TPR: variants seen among roughly 807,000 people sequenced by gnomAD.
The protein encoded by TPR is translocated promoter region, nuclear basket protein.
In TPR, 51 loss-of-function variants were observed where a neutral mutation model predicts 316.1. The ratio of observed to expected loss-of-function variants is 0.16; its 90% confidence interval spans 0.13 to 0.20. TPR has a LOEUF of 0.20. Among genes scored for constraint, TPR ranks in the 10% least tolerant of loss-of-function variants. The pLI, the probability that TPR is intolerant of heterozygous loss-of-function variation, is 1.00. For missense variants in TPR, 2,272 were observed against 2,754.8 expected, an observed-to-expected ratio of 0.82 and a Z score of 3.92; for synonymous variants, 981 against 914.7, an observed-to-expected ratio of 1.07 and a Z score of -1.31.
chr1:186,362,058 ATAAT>A (rs1659208536), intron 7 of TPR, among the ~76,000 whole-genome samples, 189 bp from the exon 8 acceptor site: 1 of 152,018 alleles, frequency 6.6e-6, no homozygotes, highest in Non-Finnish European at 1.5e-5. Flanking sequence ...TCAAAGTAAA[ATAAT>A]TAAACAATAA....
intron 15 of TPR, 73 bp downstream of exon 15, chr1:186,356,213 G>A (rs1659024775): frequency 7.4e-7 from 1 of 1,357,186 alleles, no homozygotes; most frequent in Middle Eastern, 2.1e-4. Context: ...AGTGGCTATT[G>A]CTTATGTTGC....
At chr1:186,343,561 C>A in intron 26 of TPR, 88 bp from the exon 27 acceptor site, 1 of 1,244,508 alleles carries the variant, frequency 8.0e-7, no homozygotes, top group Middle Eastern at 1.9e-4. Flanking sequence ...TGACAAAAAT[C>A]ATTGACTTTA....
chr1:186,312,764 T>TA lies in TPR; in HGVS notation c.*1206dup. 1 of 1,612,684 alleles carries TA rather than the reference T, an allele frequency of 6.2e-7. No homozygotes were observed. Among genetic ancestry groups the TA allele is most frequent in the Non-Finnish European group, 8.5e-7 (1 of 1,178,750 alleles). On this transcript the variant is annotated 3_prime_UTR_variant, in exon 51 of 51. Transcript: ENST00000367478. The stretch of plus-strand genomic sequence containing the variant: ...GGTATCTTTTATTAAACATGCCACT[T>TA]ACAGGTGTCCTTCATAATGAAGTTA...
chr1:186,332,781 A>C (rs979326112), intron 37 of TPR, among the ~76,000 whole-genome samples: 2 of 152,140 alleles, frequency 1.3e-5, no homozygotes, highest in African/African-American at 4.8e-5. Flanking sequence ...ACTTCCGTTA[A>C]ATTATATACA....
chr1:186,353,105 G>A (rs1401660077), intron 18 of TPR, among the ~76,000 whole-genome samples: 1 of 152,162 alleles, frequency 6.6e-6, no homozygotes, highest in Non-Finnish European at 1.5e-5. Flanking sequence ...AGGCACTGTG[G>A]CTCATGCCTG....
chr1:186,347,251 A>C (rs1416879572), intron 22 of TPR, 41 bp downstream of exon 22: 1 of 1,602,256 alleles, frequency 6.2e-7, no homozygotes, highest in Non-Finnish European at 8.5e-7. Flanking sequence ...AAAGTTAACA[A>C]ATGTGTTGAG....
Position 186,333,326 on chromosome 1 carries a change from T to C in TPR, c.5251A>G (p.Thr1751Ala), listed in dbSNP as rs368953166. 3.3e-5 allele frequency: 53 copies of C among 1,613,574 alleles called. No individual in the cohort carries two copies. In the Admixed American group the frequency reaches 8.0e-4, roughly 24 times the overall value. Reference sequence around the variant, plus strand: ...ATAGAAGGCTGGACATTAGGACTAGTAGAACGAACGGATCCACTTGTGCTT... The same window carrying C: ...ATAGAAGGCTGGACATTAGGACTAGCAGAACGAACGGATCCACTTGTGCTT... ...FGSTSGSVRSTSPNVQPSISQ... is the reference protein window; with the variant it reads ...FGSTSGSVRSASPNVQPSISQ... The change falls in exon 37 of 51, where the codon ACT becomes GCT. Residue 1751 changes from threonine (T) to alanine (A), a missense_variant. Coordinates refer to ENST00000367478, the MANE Select transcript of TPR (RefSeq NM_003292.3).
intron 37 of TPR, 28 bp downstream of exon 37, chr1:186,333,094 T>TC: frequency 6.2e-7 from 1 of 1,609,662 alleles, no homozygotes; most frequent in Non-Finnish European, 8.5e-7. Context: ...ATAGGTCTAC[T>TC]CTGACTTCAT....
chr1:186,343,585 G>A (rs907044954), intron 26 of TPR, 112 bp from the exon 27 acceptor site: 14 of 951,842 alleles, frequency 1.5e-5, no homozygotes, highest in Admixed American at 9.1e-5. Flanking sequence ...ACTATTACAC[G>A]TTTTCATTAA....
At chr1:186,331,670 C>A in intron 38 of TPR, 89 bp from the exon 39 acceptor site, 1 of 754,418 alleles carries the variant, frequency 1.3e-6, no homozygotes, top group Non-Finnish European at 2.0e-6. Context: ...TTGAAAAAAC[C>A]CTTCAAATCT....
chr1:186,314,761 A>G (rs763740257), intron 49 of TPR, 37 bp from the exon 50 acceptor site: 1 of 1,398,748 alleles, frequency 7.1e-7, no homozygotes, highest in South Asian at 1.2e-5. Flanking sequence ...AAGCAAGTGA[A>G]AAAATGAGAA....
chr1:186,369,031 T>C (rs962228679), intron 3 of TPR, among the ~76,000 whole-genome samples: 3 of 152,246 alleles, frequency 2.0e-5, no homozygotes, highest in African/African-American at 4.8e-5. Context: ...TTGGGTCTTC[T>C]TGGCACCCTT....
At chr1:186,358,137 T>A (rs1283406587) in intron 13 of TPR, among the ~76,000 whole-genome samples, 1 of 152,164 alleles carries the variant, frequency 6.6e-6, no homozygotes, top group Non-Finnish European at 1.5e-5. Flanking sequence ...TACAGTCCAG[T>A]CTTACTTCAG....
chr1:186,354,751 C>T (rs1658972084), intron 17 of TPR, among the ~76,000 whole-genome samples: 1 of 152,304 alleles, frequency 6.6e-6, no homozygotes, highest in South Asian at 2.1e-4. Flanking sequence ...TGCTTCTCTT[C>T]TACCTAGAAT....
Position 186,351,960 on chromosome 1 carries a change from C to T in TPR, c.2469+16G>A, listed in dbSNP as rs748891789. ...CTTTTATACATTTTTTCTACATAGG[C>T]TTTTTATTTGGTTACCTGAATTGTT... On this transcript the variant is annotated intron_variant, in intron 19 of 50. Coordinates refer to ENST00000367478, the MANE Select transcript of TPR (RefSeq NM_003292.3). The T allele has an allele frequency of 1.3e-6, 2 of 1,577,098 alleles. No individual in the cohort carries two copies. The highest frequency in any genetic ancestry group is 1.7e-4 in the Middle Eastern group (1 of 5,972).
chr1:186,313,936 A>G lies in TPR; in HGVS notation c.*35T>C, dbSNP rs774219309. On this transcript the variant is annotated 3_prime_UTR_variant, in exon 51 of 51. Transcript: ENST00000367478. ...ATCATTACACTAAAACAGATTTGAT[A>G]ATCTTATTCACAGTTGTTATTGTTT... is the stretch of plus-strand genomic sequence containing the variant. 1 of 1,598,806 alleles carries G rather than the reference A, an allele frequency of 6.3e-7. No homozygotes were observed. The highest frequency in any genetic ancestry group is 8.6e-7 in the Non-Finnish European group (1 of 1,167,790).
intron 7 of TPR, 93 bp from the exon 8 acceptor site, chr1:186,361,962 T>A: frequency 7.9e-7 from 1 of 1,261,198 alleles, no homozygotes; most frequent in Non-Finnish European, 1.1e-6. Context: ...TTTTGTAAAG[T>A]AAGAGCTAAA....
chr1:186,334,665 TTTAAGCA>T (rs1463400152), intron 35 of TPR, 132 bp from the exon 36 acceptor site: 31 of 970,826 alleles, frequency 3.2e-5, no homozygotes, highest in Non-Finnish European at 4.5e-5. Flanking sequence ...CTGTTTTGAA[TTTAAGCA>T]TTAAAAACTA....
In TPR at chr1:186,324,018, T is replaced by C; in HGVS notation, c.6113-148A>G. The C allele has an allele frequency of 3.8e-6, 3 of 799,286 alleles. No homozygotes were observed. The South Asian group carries it at 6.5e-5, about 17-fold the overall frequency. 49.5% of individuals were successfully genotyped at this position (799,286 alleles called of 1,614,324 possible). On this transcript the variant is annotated intron_variant, in intron 42 of 50. Transcript: ENST00000367478. ...AGTAGTGAGGTGTGATGGAAGCAAA[T>C]GTGGGTTTTACACCCAGAGACAATG...
Sources: gnomAD v4.1 joint callset for allele counts (sites outside exome capture counted in the v4.1 genomes callset) on GRCh38, gnomAD v4.1.1 for gene constraint, MANE v1.5 for transcripts, NCBI Gene and HGNC (gene_info 2026-07-23, HGNC 2026-07-21) for gene names.